CACNA1E: variants seen among roughly 807,000 people sequenced by gnomAD.
CACNA1E encodes voltage-dependent R-type calcium channel subunit alpha-1E.
Under a neutral mutation model 259.2 loss-of-function variants are expected in CACNA1E, and 40 were observed. The observed-to-expected ratio is 0.15, with a 90% CI of 0.12 to 0.20. The LOEUF is 0.20. CACNA1E is among the 10% of genes least tolerant of loss of function. The pLI, the probability that CACNA1E is intolerant of heterozygous loss-of-function variation, is 1.00. For synonymous variants in CACNA1E, 1,104 were observed against 1,138.5 expected, an observed-to-expected ratio of 0.97 and a Z score of 0.61; for missense variants, 1,874 against 3,040.1, an observed-to-expected ratio of 0.62 and a Z score of 9.02.
At chr1:181,473,181 C>T (rs1295464957) in intron 2 of CACNA1E, among the ~76,000 whole-genome samples, 1 of 152,136 alleles carries the variant, frequency 6.6e-6, no homozygotes, top group South Asian at 2.1e-4. Context: ...TATCCTTCCC[C>T]CTTGCTCCCT....
chr1:181,390,302 CTTATTTATTTAT>C (rs58239460), intron 1 of CACNA1E, among the ~76,000 whole-genome samples: 9 of 137,650 alleles, frequency 6.5e-5, no homozygotes, highest in East Asian at 4.3e-4. Context: ...GAGGAGACAC[CTTATTTATTTAT>C]TTATTTATTT....
At chr1:181,551,368 G>A (rs908145900) in intron 3 of CACNA1E, among the ~76,000 whole-genome samples, 4 of 152,154 alleles carry the variant, frequency 2.6e-5, no homozygotes, top group African/African-American at 9.7e-5. Context: ...GTGGTTGGTG[G>A]GGTGGTGATG....
intron 3 of CACNA1E, among the ~76,000 whole-genome samples, chr1:181,514,068 T>C (rs1463135553): frequency 1.3e-5 from 2 of 152,176 alleles, no homozygotes; most frequent in African/African-American, 4.8e-5. Flanking sequence ...AGCTTGGTCC[T>C]CTTGAGATCC....
At chr1:181,468,918 G>A (rs1458338842) in intron 2 of CACNA1E, among the ~76,000 whole-genome samples, 1 of 152,170 alleles carries the variant, frequency 6.6e-6, no homozygotes, top group Admixed American at 6.5e-5. Context: ...ATAATGGCAG[G>A]TAATAAGGAC....
chr1:181,600,339 G>A (rs1458581440), intron 6 of CACNA1E, among the ~76,000 whole-genome samples: 1 of 152,230 alleles, frequency 6.6e-6, no homozygotes, highest in East Asian at 1.9e-4. Flanking sequence ...TACTCCGAGT[G>A]TGATGGGAAG....
chr1:181,390,221 G>T (rs371684119), intron 1 of CACNA1E, among the ~76,000 whole-genome samples: 1 of 152,340 alleles, frequency 6.6e-6, no homozygotes, highest in African/African-American at 2.4e-5. Flanking sequence ...TGGCGCCAGG[G>T]TTCCCACTGT....
chr1:181,724,850 G>A (rs1368565957), intron 17 of CACNA1E, among the ~76,000 whole-genome samples: 2 of 152,186 alleles, frequency 1.3e-5, no homozygotes, highest in Admixed American at 6.5e-5. Context: ...TAAAGCCCTG[G>A]TTTTAAGTTC....
chr1:181,757,430 T>C (rs1658182182), intron 30 of CACNA1E, among the ~76,000 whole-genome samples: 1 of 152,238 alleles, frequency 6.6e-6, no homozygotes, highest in African/African-American at 2.4e-5. Flanking sequence ...TGACCTTCCA[T>C]GCCATGTACT....
At chr1:181,686,420 G>A (rs1650581221) in intron 7 of CACNA1E, among the ~76,000 whole-genome samples, 1 of 151,602 alleles carries the variant, frequency 6.6e-6, no homozygotes, top group Non-Finnish European at 1.5e-5. Flanking sequence ...CCGAGTAGCT[G>A]GGATTACAGG....
At chr1:181,547,864 G>A (rs1484908163) in intron 3 of CACNA1E, among the ~76,000 whole-genome samples, 1 of 152,154 alleles carries the variant, frequency 6.6e-6, no homozygotes, top group African/African-American at 2.4e-5. Context: ...ATACATAGAA[G>A]TAAAAACTGT....
chr1:181,462,813 GTAT>G (rs1232916852), intron 2 of CACNA1E, among the ~76,000 whole-genome samples: 1 of 152,146 alleles, frequency 6.6e-6, no homozygotes, highest in Non-Finnish European at 1.5e-5. Flanking sequence ...AGATTTACCA[GTAT>G]TATTACATGC....
intron 7 of CACNA1E, among the ~76,000 whole-genome samples, chr1:181,687,378 G>T (rs1360145102): frequency 6.6e-6 from 1 of 152,138 alleles, no homozygotes; most frequent in East Asian, 1.9e-4. Context: ...ATTATTTACT[G>T]ATTTAGACAG....
chr1:181,520,245 A>G (rs1192711590), intron 3 of CACNA1E, among the ~76,000 whole-genome samples: 1 of 152,230 alleles, frequency 6.6e-6, no homozygotes. Flanking sequence ...AATAGTTACT[A>G]AGGGGAGAGA....
chr1:181,726,619 C>G (rs1654929382), intron 18 of CACNA1E, among the ~76,000 whole-genome samples: 1 of 152,160 alleles, frequency 6.6e-6, no homozygotes, highest in South Asian at 2.1e-4. Flanking sequence ...CAGGGGCCAA[C>G]TCGGAGGTCC....
Position 181,800,295 on chromosome 1 carries a change from T to G in CACNA1E, c.*1461T>G, listed in dbSNP as rs1228102154. 5 of 152,650 alleles carry G rather than the reference T, an allele frequency of 3.3e-5. No individual in the cohort carries two copies. The highest frequency in any genetic ancestry group is 1.2e-4 in the African/African-American group (5 of 41,454). 9.5% of individuals were successfully genotyped at this position (152,650 alleles called of 1,614,324 possible). On this transcript the variant is annotated 3_prime_UTR_variant, in exon 48 of 48. Coordinates refer to ENST00000367573, the MANE Select transcript of CACNA1E (RefSeq NM_001205293.3). ...TGACAAGACTGGGGCCCTGTTCACC[T>G]TGAACATGCCCCTGGGCCAAGATGG...
intron 6 of CACNA1E, among the ~76,000 whole-genome samples, chr1:181,632,809 G>C (rs936509814): frequency 3.1e-4 from 47 of 152,158 alleles, no homozygotes; most frequent in African/African-American, 1.1e-3. Context: ...TGTTTCTGGA[G>C]CATCTGCCAT....
chr1:181,562,338 G>C (rs1649409402), intron 3 of CACNA1E, among the ~76,000 whole-genome samples: 1 of 152,098 alleles, frequency 6.6e-6, no homozygotes. Flanking sequence ...GGCATGACAG[G>C]CCATTGTGTT....
intron 6 of CACNA1E, among the ~76,000 whole-genome samples, chr1:181,600,819 T>C (rs1309095370): frequency 6.6e-6 from 1 of 152,172 alleles, no homozygotes; most frequent in Non-Finnish European, 1.5e-5. Context: ...GCAAGAGATA[T>C]ACACTTGAGA....
intron 3 of CACNA1E, among the ~76,000 whole-genome samples, chr1:181,524,968 T>C (rs1667246413): frequency 6.6e-6 from 1 of 152,240 alleles, no homozygotes; most frequent in African/African-American, 2.4e-5. Context: ...CTTCTAATTA[T>C]TAGTAACATC....
Sources: allele counts gnomAD v4.1 joint callset (sites outside exome capture counted in the v4.1 genomes callset), GRCh38; gene constraint gnomAD v4.1.1; transcripts MANE v1.5; gene names NCBI Gene and HGNC (gene_info 2026-07-23, HGNC 2026-07-21).